CEP112: variants seen among roughly 807,000 people sequenced by gnomAD.
The protein encoded by CEP112 is centrosomal protein of 112 kDa.
CEP112 carries 127 observed loss-of-function variants against 153.0 expected under a neutral mutation model. The observed-to-expected ratio is 0.83, with a 90% confidence interval of 0.72 to 0.96. The LOEUF is 0.96. CEP112 is among the 40% of genes least tolerant of loss of function. The pLI is 0.00. For missense variants in CEP112, 1,089 were observed against 1,101.2 expected, an observed-to-expected ratio of 0.99 and a Z score of 0.16; for synonymous variants, 358 against 374.4, an observed-to-expected ratio of 0.96 and a Z score of 0.51.
chr17:65,857,234 G>A (rs1008781263), intron 20 of CEP112, among the ~76,000 whole-genome samples: 8 of 152,088 alleles, frequency 5.3e-5, no homozygotes, highest in Non-Finnish European at 1.0e-4. Flanking sequence ...CATGGCTTCT[G>A]GCTGCTAAAA....
chr17:65,879,173 T>C (rs1343871008), intron 20 of CEP112, among the ~76,000 whole-genome samples: 1 of 152,182 alleles, frequency 6.6e-6, no homozygotes, highest in Non-Finnish European at 1.5e-5. Flanking sequence ...TCCCCTGAAT[T>C]ATGTTGTAGG....
chr17:65,874,573 A>G (rs1298166664), intron 20 of CEP112, among the ~76,000 whole-genome samples: 2 of 152,118 alleles, frequency 1.3e-5, no homozygotes, highest in African/African-American at 4.8e-5. Context: ...TCTCTGAAAT[A>G]ATGTCATTTT....
chr17:66,103,455 A>G (rs1330263311), intron 6 of CEP112, among the ~76,000 whole-genome samples: 1 of 152,218 alleles, frequency 6.6e-6, no homozygotes, highest in East Asian at 1.9e-4. Context: ...ACCTACTTAC[A>G]TAGAACTCTA....
chr17:65,929,979 C>A (rs1036156116), intron 18 of CEP112, among the ~76,000 whole-genome samples: 2 of 152,186 alleles, frequency 1.3e-5, no homozygotes, highest in Non-Finnish European at 2.9e-5. Context: ...GAAAATGGTG[C>A]CTTTTATTCA....
At chr17:65,974,156 A>G (rs2062948551) in intron 17 of CEP112, among the ~76,000 whole-genome samples, 1 of 151,838 alleles carries the variant, frequency 6.6e-6, no homozygotes, top group African/African-American at 2.4e-5. Flanking sequence ...AACTCACTGC[A>G]GCCTCAGCCT....
intron 11 of CEP112, among the ~76,000 whole-genome samples, chr17:66,056,734 G>A (rs1314603260): frequency 6.6e-6 from 1 of 152,152 alleles, no homozygotes; most frequent in Non-Finnish European, 1.5e-5. Flanking sequence ...CCTGGGGTGT[G>A]GGGAGTGGTA....
At chr17:65,733,468 C>T (rs2050628816) in intron 23 of CEP112, among the ~76,000 whole-genome samples, 1 of 152,044 alleles carries the variant, frequency 6.6e-6, no homozygotes, top group African/African-American at 2.4e-5. Context: ...TTGCCACAAA[C>T]CTTGAATTGT....
chr17:66,085,689 A>G (rs2067895322), intron 8 of CEP112, among the ~76,000 whole-genome samples: 1 of 152,180 alleles, frequency 6.6e-6, no homozygotes, highest in African/African-American at 2.4e-5. Flanking sequence ...TCAAAAAGCA[A>G]TGAAATGGGC....
At position 66,142,128 on chromosome 17, in the gene CEP112, C is replaced by T. The variant is rs754071351; in HGVS notation, c.471-9365G>A. On this transcript the variant is annotated intron_variant, in intron 4 of 26. Transcript: ENST00000535342. ...TTTGATTTGCATTTTGCTGATGATG[C>T]GTGATGTTGAACATTTTATATATTG... 1.9e-4 allele frequency among the ~76,000 whole-genome samples: 29 copies of T among 152,050 alleles called. 1 individual carries two copies. The highest frequency in any genetic ancestry group is 1.3e-4 in the Non-Finnish European group (9 of 67,998).
intron 4 of CEP112, among the ~76,000 whole-genome samples, chr17:66,156,632 T>C (rs1479222948): frequency 2.0e-5 from 3 of 152,022 alleles, no homozygotes; most frequent in Non-Finnish European, 4.4e-5. Context: ...GCTAAGAATC[T>C]TGAAAAAGGT....
intron 8 of CEP112, among the ~76,000 whole-genome samples, chr17:66,082,892 A>AG (rs2067777659): frequency 6.6e-6 from 1 of 151,958 alleles, no homozygotes; most frequent in Non-Finnish European, 1.5e-5. Context: ...TTAAATAACC[A>AG]TTAATTCTAT....
chr17:65,684,146 G>T (rs1876220044), intron 24 of CEP112, among the ~76,000 whole-genome samples: 1 of 152,100 alleles, frequency 6.6e-6, no homozygotes, highest in African/African-American at 2.4e-5. Context: ...CTCCTTGAGG[G>T]CAAAATCTAT....
rs1453066729 is a variant in CEP112, at chr17:65,662,132, CTAA to C, written c.2698-21070_2698-21068del. ...CACAGGTGGGCACCACCACGCCTGA[CTAA>C]GTTCTGTATTTTTTGTAGAGACTGG... On this transcript the variant is annotated intron_variant, in intron 24 of 26. Coordinates refer to ENST00000535342, the MANE Select transcript of CEP112 (RefSeq NM_001199165.4). Among the ~76,000 whole-genome samples the C allele has an allele frequency of 3.3e-5, 5 of 152,168 alleles. No homozygotes were observed. In the East Asian group the frequency reaches 9.7e-4, roughly 29 times the overall value.
chr17:66,091,119 C>T (rs556259409), intron 8 of CEP112, among the ~76,000 whole-genome samples: 6 of 152,086 alleles, frequency 3.9e-5, no homozygotes, highest in South Asian at 2.1e-4. Flanking sequence ...CAGCAACGGA[C>T]GGGTTACCCA....
chr17:65,922,192 G>A (rs1234447672), intron 19 of CEP112, among the ~76,000 whole-genome samples: 3 of 151,972 alleles, frequency 2.0e-5, no homozygotes, highest in Non-Finnish European at 2.9e-5. Flanking sequence ...CAAGAGTAAC[G>A]ATGTTTCTAC....
intron 17 of CEP112, among the ~76,000 whole-genome samples, chr17:65,963,660 T>C (rs2062298536): frequency 6.8e-6 from 1 of 146,672 alleles, no homozygotes; most frequent in East Asian, 2.0e-4. Flanking sequence ...GATATAGATA[T>C]AGATATAGAT....
At chr17:65,777,713 C>T (rs2053763046) in intron 21 of CEP112, among the ~76,000 whole-genome samples, 2 of 152,130 alleles carry the variant, frequency 1.3e-5, no homozygotes, top group African/African-American at 4.8e-5. Context: ...AAGTTTTATT[C>T]AAACCTTTTA....
At chr17:65,839,563 A>C (rs998382017) in intron 21 of CEP112, among the ~76,000 whole-genome samples, 15 of 152,112 alleles carry the variant, frequency 9.9e-5, no homozygotes, top group African/African-American at 3.6e-4. Context: ...CTAACATCAT[A>C]GTGAAAAGGG....
chr17:65,884,215 A>T (rs1031018458), intron 20 of CEP112, among the ~76,000 whole-genome samples: 1 of 152,242 alleles, frequency 6.6e-6, no homozygotes, highest in African/African-American at 2.4e-5. Context: ...CTAGTGGAGA[A>T]AACAGAAACT....
Sources: allele counts gnomAD v4.1 joint callset (sites outside exome capture counted in the v4.1 genomes callset), GRCh38; gene constraint gnomAD v4.1.1; transcripts MANE v1.5; gene names NCBI Gene and HGNC (gene_info 2026-07-23, HGNC 2026-07-21).